Variants in TUSC3 observed in about 807,000 individuals in gnomAD.
The protein encoded by TUSC3 is dolichyl-diphosphooligosaccharide--protein glycosyltransferase subunit TUSC3.
TUSC3 carries 45 observed loss-of-function variants against 44.8 expected under a neutral mutation model. That is an observed-to-expected ratio of 1.00 (90% CI 0.79 to 1.29). The LOEUF (loss-of-function observed/expected upper bound fraction) is 1.29, where lower values mean the gene tolerates loss of function less well. Ranked by LOEUF, TUSC3 falls within the 50% of genes most tolerant of loss-of-function variation. The pLI is 0.00. For missense variants in TUSC3, 519 were observed against 437.9 expected (o/e 1.19, Z -1.65); for synonymous variants, 212 against 152.9 (o/e 1.39, Z -2.85).
chr8:15,673,224 C>G (rs1471464359), intron 5 of TUSC3, among the ~76,000 whole-genome samples: 1 of 152,002 alleles, frequency 6.6e-6, no homozygotes, highest in Non-Finnish European at 1.5e-5. Context: ...TTTGTGATTT[C>G]TTCCATCTCT....
At chr8:15,500,012 T>A in intron 2 of TUSC3, among the ~76,000 whole-genome samples, 1 of 152,246 alleles carries the variant, frequency 6.6e-6, no homozygotes, top group East Asian at 1.9e-4. Flanking sequence ...TCAATAATTT[T>A]ATTTTCTAAC....
intron 6 of TUSC3, among the ~76,000 whole-genome samples, chr8:15,716,835 C>G (rs929411707): frequency 1.3e-5 from 2 of 151,768 alleles, no homozygotes; most frequent in Admixed American, 6.6e-5. Context: ...ACTATTTATA[C>G]GATTTTTTTG....
At chr8:15,585,493 G>C (rs73540532) in intron 1 of TUSC3, among the ~76,000 whole-genome samples, 7,553 of 152,152 alleles carry the variant, frequency 0.05, 259 homozygotes, top group African/African-American at 0.11. Context: ...ACCTGGGAGA[G>C]GGTTGTGTTT....
rs370329715 is a variant in TUSC3, at chr8:15,434,103, T to C, written n.91+16798T>C. Among the ~76,000 whole-genome samples the C allele has an allele frequency of 6.4e-4, 97 of 152,352 alleles. 2 individuals are homozygous for C. In the South Asian group the frequency reaches 0.019, roughly 30 times the overall value. On this transcript the variant is annotated intron_variant and non_coding_transcript_variant, in intron 1 of 5. Transcript: ENST00000503191. ...ACGTGAGAGAATTCCATTTGCTCCA[T>C]ATCTTTGCTAATCCTTAGTATTATC...
the TUSC3 span, among the ~76,000 whole-genome samples, chr8:15,794,091 C>T: frequency 4.0e-3 from 614 of 152,300 alleles, 5 homozygotes; most frequent in African/African-American, 0.014. Context: ...ATGAACTGTA[C>T]ATTTCAATTG....
the TUSC3 span, among the ~76,000 whole-genome samples, chr8:15,782,821 A>C: frequency 6.6e-6 from 1 of 152,342 alleles, no homozygotes; most frequent in African/African-American, 2.4e-5. Context: ...AAGAAACAAG[A>C]CCAAGATGTC....
chr8:15,502,896 T>C (rs971083596), intron 2 of TUSC3, among the ~76,000 whole-genome samples: 1 of 152,226 alleles, frequency 6.6e-6, no homozygotes, highest in Non-Finnish European at 1.5e-5. Flanking sequence ...CTCATTTTAC[T>C]CCTTACATGT....
intron 2 of TUSC3, among the ~76,000 whole-genome samples, chr8:15,489,009 G>C (rs1220493081): frequency 6.6e-6 from 1 of 152,156 alleles, no homozygotes; most frequent in Non-Finnish European, 1.5e-5. Context: ...ATGAAAAAGA[G>C]AGAAACTGTA....
chr8:15,463,191 A>G (rs1410795056), intron 1 of TUSC3, among the ~76,000 whole-genome samples: 1 of 152,034 alleles, frequency 6.6e-6, no homozygotes, highest in Non-Finnish European at 1.5e-5. Flanking sequence ...TGCAGAGTAA[A>G]ATTTTCCATC....
At chr8:15,522,334 GC>G (rs910410749) in intron 2 of TUSC3, among the ~76,000 whole-genome samples, 12 of 151,964 alleles carry the variant, frequency 7.9e-5, no homozygotes, top group African/African-American at 2.9e-4. Flanking sequence ...CCGGGTTCAA[GC>G]AATTCTTGTG....
the TUSC3 span, among the ~76,000 whole-genome samples, chr8:15,809,846 T>G: frequency 6.6e-6 from 1 of 152,196 alleles, no homozygotes; most frequent in Non-Finnish European, 1.5e-5. Flanking sequence ...AGACTTCTCC[T>G]TGCCTTAAGG....
At chr8:15,744,715 T>G (rs1011592633) in intron 8 of TUSC3, among the ~76,000 whole-genome samples, 1 of 152,166 alleles carries the variant, frequency 6.6e-6, no homozygotes, top group African/African-American at 2.4e-5. Flanking sequence ...AGGAGATTAC[T>G]TTATCATGTT....
intron 2 of TUSC3, among the ~76,000 whole-genome samples, chr8:15,528,573 C>A (rs1418786741): frequency 6.6e-6 from 1 of 152,168 alleles, no homozygotes; most frequent in African/African-American, 2.4e-5. Context: ...TTTGACCTAA[C>A]AAGGATAGCA....
intron 6 of TUSC3, among the ~76,000 whole-genome samples, chr8:15,709,687 A>G (rs1271017049): frequency 1.3e-5 from 2 of 151,870 alleles, no homozygotes; most frequent in African/African-American, 4.8e-5. Context: ...TATCTCCTTT[A>G]GTCCTTATAG....
At chr8:15,562,360 T>C (rs1016477201) in intron 1 of TUSC3, among the ~76,000 whole-genome samples, 1 of 152,168 alleles carries the variant, frequency 6.6e-6, no homozygotes, top group Non-Finnish European at 1.5e-5. Context: ...ATCCGTCTTA[T>C]CTCCTCTCCC....
At chr8:15,710,140 A>G (rs1809783636) in intron 6 of TUSC3, among the ~76,000 whole-genome samples, 1 of 151,460 alleles carries the variant, frequency 6.6e-6, no homozygotes, top group Non-Finnish European at 1.5e-5. Context: ...ATTTGCTGAA[A>G]TGTTACTTTA....
the TUSC3 span, among the ~76,000 whole-genome samples, chr8:15,801,543 T>C: frequency 6.6e-6 from 1 of 152,178 alleles, no homozygotes; most frequent in Middle Eastern, 3.2e-3. Flanking sequence ...GACATGTCCA[T>C]TTTTGTATCT....
intron 9 of TUSC3, among the ~76,000 whole-genome samples, chr8:15,753,050 T>TTA (rs1811772286): frequency 6.6e-6 from 1 of 152,130 alleles, no homozygotes; most frequent in African/African-American, 2.4e-5. Flanking sequence ...AAGTAATTTT[T>TTA]ATATCTTATT....
chr8:15,545,337 T>C (rs1404564574), intron 1 of TUSC3, among the ~76,000 whole-genome samples: 1 of 151,684 alleles, frequency 6.6e-6, no homozygotes, highest in East Asian at 1.9e-4. Flanking sequence ...TGTAGTGAAT[T>C]ACACTGCAGG....
Sources: gnomAD v4.1 joint callset for allele counts (sites outside exome capture counted in the v4.1 genomes callset) on GRCh38, gnomAD v4.1.1 for gene constraint, MANE v1.5 for transcripts, NCBI Gene and HGNC (gene_info 2026-07-23, HGNC 2026-07-21) for gene names.